The following GABRB3 variants were observed in gnomAD, a reference collection of about 807,000 sequenced individuals.
The protein encoded by GABRB3 is gamma-aminobutyric acid receptor subunit beta-3.
A neutral mutation model predicts 52.1 loss-of-function variants in GABRB3; 14 were observed. That is an observed-to-expected ratio of 0.27 (90% CI 0.18 to 0.42). The LOEUF (loss-of-function observed/expected upper bound fraction) is 0.42, where lower values mean the gene tolerates loss of function less well. GABRB3 is among the 10% of genes least tolerant of loss of function. GABRB3 has a pLI of 1.00. For missense variants in GABRB3, 307 were observed against 609.1 expected (o/e 0.50, Z 5.22); for synonymous variants, 260 against 232.3 (o/e 1.12, Z -1.08).
intron 4 of GABRB3, among the ~76,000 whole-genome samples, chr15:26,609,476 T>A (rs1228488213): frequency 3.3e-5 from 5 of 152,166 alleles, no homozygotes; most frequent in African/African-American, 1.2e-4. Flanking sequence ...ATCTACTCGA[T>A]ATAAAACGCA....
At chr15:26,772,828 C>T in intron 1 of GABRB3, 55 bp downstream of exon 1, 3 of 1,459,378 alleles carry the variant, frequency 2.1e-6, no homozygotes, top group Non-Finnish European at 1.8e-6. Context: ...CAGCCGCCAG[C>T]GCCCCGCGCA....
chr15:26,565,160 C>T (rs1890119336), intron 7 of GABRB3, among the ~76,000 whole-genome samples: 1 of 128,954 alleles, frequency 7.8e-6, no homozygotes, highest in African/African-American at 3.3e-5. Context: ...TTAATCTTGT[C>T]TGTTGTATTG....
At chr15:26,712,365 G>A (rs754642705) in intron 3 of GABRB3, among the ~76,000 whole-genome samples, 7 of 151,992 alleles carry the variant, frequency 4.6e-5, no homozygotes, top group Non-Finnish European at 1.0e-4. Flanking sequence ...GGTTACTCTG[G>A]CTACTATGTA....
At chr15:26,739,985 C>T (rs981384280) in intron 3 of GABRB3, among the ~76,000 whole-genome samples, 5 of 152,200 alleles carry the variant, frequency 3.3e-5, no homozygotes, top group Non-Finnish European at 7.3e-5. Flanking sequence ...GACACCTGCA[C>T]GAGCCGCTCA....
chr15:26,567,562 A>G lies in GABRB3; in HGVS notation c.835+19T>C, dbSNP rs1265800514. The G allele has an allele frequency of 1.9e-6, 3 of 1,611,100 alleles. No homozygotes were observed. Among genetic ancestry groups the G allele is most frequent in the Admixed American group, 3.3e-5 (2 of 60,008 alleles). On this transcript the variant is annotated intron_variant, in intron 7 of 8. Coordinates refer to ENST00000311550, the MANE Select transcript of GABRB3 (RefSeq NM_000814.6). ...TACGGTTACTTTACATTTAAATATC[A>G]CTTAAAAATAGCACATACCGAGGGC...
At chr15:26,591,791 C>T (rs1436753309) in intron 4 of GABRB3, among the ~76,000 whole-genome samples, 2 of 152,162 alleles carry the variant, frequency 1.3e-5, no homozygotes, top group African/African-American at 2.4e-5. Context: ...ACAGTAACCA[C>T]CAACCATGTG....
At chr15:26,716,108 A>G (rs1889457489) in intron 3 of GABRB3, among the ~76,000 whole-genome samples, 1 of 152,208 alleles carries the variant, frequency 6.6e-6, no homozygotes, top group Admixed American at 6.5e-5. Flanking sequence ...ATCCTGACTC[A>G]AGGGAAACAA....
At position 26,547,321 on chromosome 15, in the gene GABRB3, G is replaced by GT; in HGVS notation, c.*471dup. On this transcript the variant is annotated 3_prime_UTR_variant, in exon 9 of 9. Coordinates refer to ENST00000311550, the MANE Select transcript of GABRB3 (RefSeq NM_000814.6). ...TTAAACTAGCAATACCACTGTATGA[G>GT]TTTTCAAAGATTAACTAAGAATGTC... The GT allele has an allele frequency of 2.5e-6, 1 of 407,798 alleles. No individual in the cohort carries two copies. The highest frequency in any genetic ancestry group is 4.3e-6 in the Non-Finnish European group (1 of 231,206). 25.3% of individuals were successfully genotyped at this position (407,798 alleles called of 1,614,324 possible).
At chr15:26,732,159 T>A (rs1889936889) in intron 3 of GABRB3, among the ~76,000 whole-genome samples, 1 of 151,532 alleles carries the variant, frequency 6.6e-6, no homozygotes, top group Non-Finnish European at 1.5e-5. Flanking sequence ...GAAGGATGGA[T>A]GGATGGATCA....
intron 3 of GABRB3, among the ~76,000 whole-genome samples, chr15:26,681,399 G>A (rs1888235315): frequency 6.6e-6 from 1 of 152,074 alleles, no homozygotes; most frequent in African/African-American, 2.4e-5. Flanking sequence ...AGGGGATACT[G>A]TCAGAACCCA....
intron 3 of GABRB3, among the ~76,000 whole-genome samples, chr15:26,684,458 T>A (rs1273250734): frequency 6.6e-6 from 1 of 152,188 alleles, no homozygotes; most frequent in East Asian, 1.9e-4. Flanking sequence ...GCATTTGCAA[T>A]TTCTTTCAAT....
intron 3 of GABRB3, among the ~76,000 whole-genome samples, chr15:26,664,471 C>T (rs1887641310): frequency 6.6e-6 from 1 of 152,060 alleles, no homozygotes; most frequent in South Asian, 2.1e-4. Flanking sequence ...CTCATCTTCA[C>T]TTATAACTTC....
rs573612455 is a variant in GABRB3 at position 26,661,091 on chromosome 15, TA to T, written c.241-39558del. Among the ~76,000 whole-genome samples, 364 of 149,356 alleles carry T rather than the reference TA, an allele frequency of 2.4e-3. 5 individuals are homozygous for T. Among genetic ancestry groups the T allele is most frequent in the African/African-American group, 8.3e-3 (337 of 40,680 alleles). On this transcript the variant is annotated intron_variant, in intron 3 of 8. Coordinates refer to ENST00000311550, the MANE Select transcript of GABRB3 (RefSeq NM_000814.6). ...TTAAGCCACTGTGCCCAGCCAAGAA[TA>T]AAAAAAAAATTAAAAGAAATATTTC...
chr15:26,672,777 G>C (rs1289983479), intron 3 of GABRB3, among the ~76,000 whole-genome samples: 1 of 152,178 alleles, frequency 6.6e-6, no homozygotes, highest in Non-Finnish European at 1.5e-5. Flanking sequence ...ATCATGATCA[G>C]AGCAGATGCG....
intron 3 of GABRB3, among the ~76,000 whole-genome samples, chr15:26,727,016 G>A (rs1889791404): frequency 6.6e-6 from 1 of 152,090 alleles, no homozygotes; most frequent in Admixed American, 6.5e-5. Context: ...AATATTAGCT[G>A]GGTGTGATCA....
chr15:26,697,352 A>G (rs1188662042), intron 3 of GABRB3, among the ~76,000 whole-genome samples: 1 of 152,202 alleles, frequency 6.6e-6, no homozygotes, highest in Non-Finnish European at 1.5e-5. Context: ...AAAGTAAATT[A>G]CTAGATTTCT....
At chr15:26,772,857 G>A (rs1393006345) in intron 1 of GABRB3, 26 bp downstream of exon 1, 3 of 1,448,290 alleles carry the variant, frequency 2.1e-6, no homozygotes, top group Admixed American at 2.5e-5. Flanking sequence ...CCTGCCCGCC[G>A]CCCGCCGGCC....
chr15:26,730,863 T>C (rs932328637), intron 3 of GABRB3, among the ~76,000 whole-genome samples: 1 of 152,214 alleles, frequency 6.6e-6, no homozygotes, highest in African/African-American at 2.4e-5. Context: ...GAAATACTTT[T>C]CTCATAGGAG....
chr15:26,601,930 A>C (rs1178322055), intron 4 of GABRB3, among the ~76,000 whole-genome samples: 1 of 152,220 alleles, frequency 6.6e-6, no homozygotes, highest in African/African-American at 2.4e-5. Flanking sequence ...ATTGAAGGTA[A>C]AGGGAATAAA....
Sources: gnomAD v4.1 joint callset for allele counts (sites outside exome capture counted in the v4.1 genomes callset) on GRCh38, gnomAD v4.1.1 for gene constraint, MANE v1.5 for transcripts, NCBI Gene and HGNC (gene_info 2026-07-23, HGNC 2026-07-21) for gene names.